Variants in MGST2 observed in about 807,000 individuals in gnomAD.
MGST2 encodes the protein glutathione peroxidase MGST2.
MGST2 carries 9 observed loss-of-function variants against 16.6 expected under a neutral mutation model. The observed-to-expected ratio is 0.54, with a 90% confidence interval of 0.33 to 0.95. MGST2 has a LOEUF of 0.95. Among genes scored for constraint, MGST2 ranks in the 40% least tolerant of loss-of-function variants. The probability of loss-of-function intolerance (pLI) is 0.03; values close to 1 mark genes in which losing one functional copy is unlikely to be tolerated. For missense variants in MGST2, 159 were observed against 175.1 expected, an observed-to-expected ratio of 0.91 and a Z score of 0.52; for synonymous variants, 79 against 68.0, an observed-to-expected ratio of 1.16 and a Z score of -0.79.
chr4:139,682,655 C>A (rs1731314649), intron 2 of MGST2, among the ~76,000 whole-genome samples: 2 of 152,032 alleles, frequency 1.3e-5, no homozygotes, highest in African/African-American at 4.8e-5. Context: ...AAGGAGAATC[C>A]TGTTTGCTTT....
intron 1 of MGST2, among the ~76,000 whole-genome samples, chr4:139,678,118 AAAT>A (rs1167399469): frequency 6.6e-6 from 1 of 152,220 alleles, no homozygotes; most frequent in Non-Finnish European, 1.5e-5. Context: ...CATATGAAAT[AAAT>A]GTGTGTGATC....
At chr4:139,704,779 G>A (rs1306305373), downstream of MGST2, among the ~76,000 whole-genome samples, 5 of 152,018 alleles carry the variant, frequency 3.3e-5, no homozygotes, top group South Asian at 2.1e-4. Context: ...AAAATTAGCC[G>A]GGCATGGTGG....
intron 5 of MGST2, chr4:139,720,316 G>A: frequency 6.5e-7 from 1 of 1,528,140 alleles, no homozygotes; most frequent in Non-Finnish European, 8.8e-7. Flanking sequence ...CTATATCCTG[G>A]GGAGAACCTG....
downstream of MGST2, among the ~76,000 whole-genome samples, chr4:139,704,681 G>A (rs1727449274): frequency 1.3e-5 from 2 of 152,220 alleles, no homozygotes; most frequent in South Asian, 4.1e-4. Context: ...CCAGCACTTT[G>A]AGAAGCCGAG....
At chr4:139,727,344 A>G (rs1199387466) in intron 5 of MGST2, among the ~76,000 whole-genome samples, 2 of 152,236 alleles carry the variant, frequency 1.3e-5, no homozygotes, top group Non-Finnish European at 2.9e-5. Flanking sequence ...GAAGGGCATT[A>G]CTGAGAGTAA....
In MGST2 at chr4:139,735,856, G is replaced by A. The variant is rs528548795; in HGVS notation, c.*49-4356G>A. Among the ~76,000 whole-genome samples the A allele has an allele frequency of 6.6e-6, 1 of 152,138 alleles. No homozygotes were observed. The highest frequency in any genetic ancestry group is 1.5e-5 in the Non-Finnish European group (1 of 67,966). Reference sequence around the variant, plus strand: ...GAGGCGGTCCCGGGCGCGGGCAGGGGCGGTGCGGCGGCGCTCGGGAGACCC... The same window carrying A: ...GAGGCGGTCCCGGGCGCGGGCAGGGACGGTGCGGCGGCGCTCGGGAGACCC... On this transcript the variant is annotated intron_variant, in intron 5 of 5. Transcript: ENST00000616265. This position sits in a 1 kb window ranked among gnomAD's most constrained non-coding sequence, Gnocchi z 5.8.
chr4:139,696,146 C>T (rs929366777), intron 3 of MGST2, among the ~76,000 whole-genome samples: 1 of 152,034 alleles, frequency 6.6e-6, no homozygotes, highest in Non-Finnish European at 1.5e-5. Flanking sequence ...ATCATTTTCA[C>T]GTTGAGTAAG....
chr4:139,705,696 G>A (rs868272128), downstream of MGST2: 5 of 152,144 alleles, frequency 3.3e-5, no homozygotes, highest in East Asian at 1.9e-4. Flanking sequence ...GGACAAGTGC[G>A]AAGAGAATAT....
chr4:139,712,072 C>T (rs1162995445), intron 5 of MGST2, among the ~76,000 whole-genome samples: 2 of 152,126 alleles, frequency 1.3e-5, no homozygotes, highest in Admixed American at 1.3e-4. Flanking sequence ...TGTATTCCTA[C>T]ACAAAGAGTA....
chr4:139,718,936 C>T (rs926585424), intron 5 of MGST2: 42 of 180,878 alleles, frequency 2.3e-4, no homozygotes, highest in African/African-American at 9.0e-4. Flanking sequence ...TGTCTCCCGA[C>T]CTGGGGCAGG....
chr4:139,754,059 T>A, the MGST2 span, among the ~76,000 whole-genome samples: 1 of 152,250 alleles, frequency 6.6e-6, no homozygotes, highest in South Asian at 2.1e-4. Flanking sequence ...TGTTATAAAG[T>A]TATGAATGTG....
chr4:139,709,775 T>G (rs116310913), intron 5 of MGST2, among the ~76,000 whole-genome samples: 2,022 of 152,256 alleles, frequency 0.013, 30 homozygotes, highest in African/African-American at 0.045. Flanking sequence ...AGAGATCCAG[T>G]GGTATTGATG....
chr4:139,689,988 T>G (rs1726475394), intron 2 of MGST2, among the ~76,000 whole-genome samples: 1 of 152,158 alleles, frequency 6.6e-6, no homozygotes, highest in South Asian at 2.1e-4. Flanking sequence ...ATCCTATCCT[T>G]TAATTAAAAA....
chr4:139,744,833 A>G (rs573162729), downstream of MGST2, among the ~76,000 whole-genome samples: 288 of 152,208 alleles, frequency 1.9e-3, no homozygotes, highest in African/African-American at 6.6e-3. Context: ...TTTCCATTCG[A>G]TTTCCATAGA....
chr4:139,730,245 C>G, intron 5 of MGST2: 1 of 642,220 alleles, frequency 1.6e-6, no homozygotes, highest in Non-Finnish European at 2.7e-6. Context: ...AGGAAAAACC[C>G]TAACTAATTG....
intron 3 of MGST2, among the ~76,000 whole-genome samples, chr4:139,696,595 C>A (rs1323714308): frequency 6.6e-6 from 1 of 152,176 alleles, no homozygotes; most frequent in East Asian, 1.9e-4. Context: ...AGATTCATAT[C>A]TTGAGACCCT....
chr4:139,665,864 C>CTT lies in MGST2; in HGVS notation c.-155_-154dup, dbSNP rs1730302508. The CTT allele has an allele frequency of 1.3e-6, 1 of 749,024 alleles. No individual in the cohort carries two copies. Among genetic ancestry groups the CTT allele is most frequent in the South Asian group, 1.5e-5 (1 of 66,814 alleles). 46.4% of individuals were successfully genotyped at this position (749,024 alleles called of 1,614,324 possible). Reference sequence around the variant, plus strand: ...GCCCCAGACCTGCCTGCCTTCCTGACTTCTGTTCCAGAGCAAAGGTCATTC... The same window carrying CTT: ...GCCCCAGACCTGCCTGCCTTCCTGACTTTTCTGTTCCAGAGCAAAGGTCATTC... On this transcript the variant is annotated 5_prime_UTR_variant, in exon 1 of 5. Coordinates refer to ENST00000265498, the MANE Select transcript of MGST2 (RefSeq NM_002413.5).
chr4:139,677,983 T>G (rs535542783), intron 1 of MGST2, among the ~76,000 whole-genome samples: 1 of 152,320 alleles, frequency 6.6e-6, no homozygotes, highest in Admixed American at 6.5e-5. Flanking sequence ...ACTTTTCCCT[T>G]GGCTTAGTGA....
intron 5 of MGST2, chr4:139,725,602 T>G: frequency 2.6e-6 from 2 of 761,582 alleles, no homozygotes; most frequent in Non-Finnish European, 4.5e-6. Flanking sequence ...TCCATTCTGA[T>G]TGGTTAGTAC....
Sources: gnomAD v4.1 joint callset for allele counts (sites outside exome capture counted in the v4.1 genomes callset) on GRCh38, gnomAD v4.1.1 for gene constraint, Gnocchi (gnomAD v3.1) non-coding constraint, MANE v1.5 for transcripts, NCBI Gene and HGNC (gene_info 2026-07-23, HGNC 2026-07-21) for gene names.